ARHGAP6: variants seen among roughly 807,000 people sequenced by gnomAD.
ARHGAP6 encodes Rho GTPase activating protein 6.
In ARHGAP6, 16 loss-of-function variants were observed where a neutral mutation model predicts 55.7. The observed-to-expected ratio is 0.29, with a 90% confidence interval of 0.19 to 0.44. The LOEUF (loss-of-function observed/expected upper bound fraction) is 0.44, where lower values mean the gene tolerates loss of function less well. Ranked by LOEUF, ARHGAP6 falls within the 20% of genes least tolerant of loss-of-function variation. The probability of loss-of-function intolerance (pLI) is 1.00; values close to 1 mark genes in which losing one functional copy is unlikely to be tolerated. For missense variants in ARHGAP6, 698 were observed against 808.9 expected, an observed-to-expected ratio of 0.86 and a Z score of 1.66; for synonymous variants, 382 against 360.9, an observed-to-expected ratio of 1.06 and a Z score of -0.66.
intron 8 of ARHGAP6, among the ~76,000 whole-genome samples, chrX:11,174,556 TCCTTCCTTCCTTCC>T (rs1340572528): frequency 1.2e-5 from 1 of 83,856 alleles, no homozygotes; most frequent in South Asian, 6.9e-4. Context: ...CTTCCTTCCT[TCCTTCCTTCCTTCC>T]TTCCTTTCTT....
At chrX:11,488,771 G>A (rs146802417) in intron 1 of ARHGAP6, among the ~76,000 whole-genome samples, 106 of 111,401 alleles carry the variant, frequency 9.5e-4, no homozygotes, top group Non-Finnish European at 1.7e-3. Flanking sequence ...AATCTAACTA[G>A]TGCCTGATGA....
chrX:11,351,671 G>GCACTGTGGGTCCAGCA, intron 1 of ARHGAP6: 1 of 604,384 alleles, frequency 1.7e-6, no homozygotes, highest in Non-Finnish European at 2.0e-6. Context: ...GAAGTCTGCT[G>GCACTGTGGGTCCAGCA]GACCCACAGT....
At chrX:11,290,187 C>T (rs1603024174) in intron 1 of ARHGAP6, among the ~76,000 whole-genome samples, 1 of 111,672 alleles carries the variant, frequency 9.0e-6, no homozygotes, top group African/African-American at 3.3e-5. Context: ...GCTGAATTAT[C>T]CATCTTAGCT....
intron 1 of ARHGAP6, among the ~76,000 whole-genome samples, chrX:11,259,565 T>G (rs1178635527): frequency 8.9e-6 from 1 of 112,165 alleles, no homozygotes; most frequent in East Asian, 2.8e-4. Flanking sequence ...AAGATACAAA[T>G]CTACCAAGGG....
rs1462272087 is a variant in ARHGAP6, at chrX:11,179,221, CAT to C, written c.1480+79_1480+80del. The C allele has an allele frequency of 1.3e-5, 12 of 946,689 alleles. No individual in the cohort carries two copies. The Admixed American group carries it at 3.6e-4, about 29-fold the overall frequency. 78.0% of individuals were successfully genotyped at this position (946,689 alleles called of 1,213,427 possible). A position where few individuals can be genotyped will look rare whatever the true frequency, so the allele number is the denominator to read the frequency against. On this transcript the variant is annotated intron_variant, in intron 7 of 12. Coordinates refer to ENST00000337414, the MANE Select transcript of ARHGAP6 (RefSeq NM_013427.3). The stretch of plus-strand genomic sequence containing the variant: ...ATAAGGACAAAAAGTTATCAGGAAA[CAT>C]ATGCATAAAGTTATGATGAATGAGT...
intron 1 of ARHGAP6, among the ~76,000 whole-genome samples, chrX:11,525,961 A>G (rs1276596030): frequency 2.7e-5 from 3 of 111,856 alleles, no homozygotes; most frequent in African/African-American, 9.7e-5. Flanking sequence ...AGGATCAGAA[A>G]AGTAACAGAG....
At chrX:11,542,077 CTT>C (rs534684948) in intron 1 of ARHGAP6, among the ~76,000 whole-genome samples, 2 of 98,066 alleles carry the variant, frequency 2.0e-5, no homozygotes. Context: ...CAAAGCCCTA[CTT>C]TTTTTTTTTT....
chrX:11,574,186 A>G (rs1253230928), intron 1 of ARHGAP6, among the ~76,000 whole-genome samples: 1 of 111,583 alleles, frequency 9.0e-6, no homozygotes, highest in Non-Finnish European at 1.9e-5. Flanking sequence ...AACTATTCCA[A>G]TCAATACAAA....
chrX:11,241,414 G>A (rs953709408), intron 2 of ARHGAP6, among the ~76,000 whole-genome samples: 1 of 110,952 alleles, frequency 9.0e-6, no homozygotes, highest in African/African-American at 3.3e-5. Context: ...TCTTAAGTGG[G>A]AACCAGGGTT....
intron 1 of ARHGAP6, among the ~76,000 whole-genome samples, chrX:11,516,910 G>A (rs910771194): frequency 2.7e-5 from 3 of 111,581 alleles, no homozygotes; most frequent in Non-Finnish European, 5.6e-5. Flanking sequence ...TTCTCAGGTT[G>A]TATTCTCCTT....
At chrX:11,223,706 A>G (rs765910961) in intron 2 of ARHGAP6, among the ~76,000 whole-genome samples, 3 of 112,020 alleles carry the variant, frequency 2.7e-5, no homozygotes, top group Non-Finnish European at 5.6e-5. Flanking sequence ...GTTGTACCAA[A>G]GTGGAGAGAG....
intron 1 of ARHGAP6, among the ~76,000 whole-genome samples, chrX:11,576,335 A>T (rs1344436559): frequency 1.8e-5 from 2 of 112,041 alleles, no homozygotes; most frequent in East Asian, 5.6e-4. Context: ...TATATACTTG[A>T]TGCTTTGCTC....
chrX:11,205,984 T>C lies in ARHGAP6; in HGVS notation c.749-8988A>G, dbSNP rs181837678. ...AATAAGGGAATGACTAATGACTGAA[T>C]GAGTGAATGAATGACGTCACATGCT... On this transcript the variant is annotated intron_variant, in intron 2 of 12. Coordinates refer to ENST00000337414, the MANE Select transcript of ARHGAP6 (RefSeq NM_013427.3). 8.8e-4 allele frequency among the ~76,000 whole-genome samples: 99 copies of C among 112,033 alleles called. 1 individual carries two copies. The highest frequency in any genetic ancestry group is 3.1e-3 in the African/African-American group (97 of 30,930).
chrX:11,458,794 G>A (rs977266142), intron 1 of ARHGAP6, among the ~76,000 whole-genome samples: 1 of 109,791 alleles, frequency 9.1e-6, no homozygotes, highest in Non-Finnish European at 1.9e-5. Flanking sequence ...TGTCCTCATG[G>A]AGCTTACATT....
rs771541545 is a variant in ARHGAP6, at chrX:11,230,719, C to CAT, written c.748+23827_748+23828dup. Among the ~76,000 whole-genome samples, 8 of 106,674 alleles carry CAT rather than the reference C, an allele frequency of 7.5e-5. No homozygotes were observed. In the East Asian group the frequency reaches 8.9e-4, roughly 12 times the overall value. The allele number at this position is 106,674 out of a possible 115,157, so 92.6% of individuals were successfully genotyped here. On this transcript the variant is annotated intron_variant, in intron 2 of 12. Coordinates refer to ENST00000337414, the MANE Select transcript of ARHGAP6 (RefSeq NM_013427.3). The stretch of plus-strand genomic sequence containing the variant: ...TACATGTATGTATATAGATAATATG[C>CAT]ATATATATATGCATATACGTATATG...
intron 1 of ARHGAP6, among the ~76,000 whole-genome samples, chrX:11,431,716 A>G (rs2049942007): frequency 8.9e-6 from 1 of 112,375 alleles, no homozygotes; most frequent in African/African-American, 3.2e-5. Context: ...AAATGGAAAA[A>G]TCAATAGCAT....
intron 1 of ARHGAP6, among the ~76,000 whole-genome samples, chrX:11,343,934 T>C (rs1369392530): frequency 2.7e-5 from 3 of 112,213 alleles, no homozygotes; most frequent in Admixed American, 9.4e-5. Context: ...TATCCCAGTA[T>C]GGTTATGACA....
chrX:11,286,266 T>C (rs1353726489), intron 1 of ARHGAP6, among the ~76,000 whole-genome samples: 1 of 112,019 alleles, frequency 8.9e-6, no homozygotes, highest in Non-Finnish European at 1.9e-5. Flanking sequence ...AGTTCTTTAG[T>C]GGTGATTTGT....
At chrX:11,549,457 T>C (rs1193800262) in intron 1 of ARHGAP6, among the ~76,000 whole-genome samples, 1 of 111,909 alleles carries the variant, frequency 8.9e-6, no homozygotes, top group Non-Finnish European at 1.9e-5. Context: ...AGGATCTGAA[T>C]AGACAATTCT....
Sources: allele counts gnomAD v4.1 joint callset (sites outside exome capture counted in the v4.1 genomes callset), GRCh38; gene constraint gnomAD v4.1.1; transcripts MANE v1.5; gene names NCBI Gene and HGNC (gene_info 2026-07-23, HGNC 2026-07-21).